ANGEL2: variants seen among roughly 807,000 people sequenced by gnomAD.
ANGEL2 encodes RNA 2',3'-cyclic phosphatase ANGEL2.
Under a neutral mutation model 66.0 loss-of-function variants are expected in ANGEL2, and 41 were observed. The observed-to-expected ratio is 0.62, with a 90% CI of 0.48 to 0.81. The LOEUF (loss-of-function observed/expected upper bound fraction) is 0.81. Ranked by LOEUF, ANGEL2 falls within the 30% of genes least tolerant of loss-of-function variation. The pLI is 0.00. For missense variants in ANGEL2, 561 were observed against 641.6 expected, an observed-to-expected ratio of 0.87 and a Z score of 1.36; for synonymous variants, 208 against 226.5, an observed-to-expected ratio of 0.92 and a Z score of 0.73.
chr1:212,996,775 G>A (rs535971354), intron 8 of ANGEL2, among the ~76,000 whole-genome samples: 2 of 150,316 alleles, frequency 1.3e-5, no homozygotes, highest in African/African-American at 2.5e-5. Context: ...AGGACGCCTC[G>A]GTAAAATTTA....
chr1:212,997,406 T>C, intron 7 of ANGEL2, 88 bp from the exon 8 acceptor site: 1 of 1,177,050 alleles, frequency 8.5e-7, no homozygotes, highest in Non-Finnish European at 1.2e-6. Context: ...ACTTAATTTC[T>C]AGACTAAGAC....
At position 212,995,086 on chromosome 1, in the gene ANGEL2, A is replaced by G; in HGVS notation, c.1590T>C (p.Ser530=). 6.2e-7 allele frequency: 1 copy of G among 1,612,610 alleles called. No individual in the cohort carries two copies. The highest frequency in any genetic ancestry group is 8.5e-7 in the Non-Finnish European group (1 of 1,179,136). The change falls in exon 9 of 9, where the codon TCT becomes TCC. Residue 530 remains serine, a synonymous_variant. Coordinates refer to ENST00000366962, the MANE Select transcript of ANGEL2 (RefSeq NM_144567.5). ...TTGCCAATAAAGGCAGATGATCTGA[A>G]GAGTTATTTTCGTTTGGAAGTCCAT... The part of the protein sequence containing the change: ...TVNGLPNENN[S]SDHLPLLAKF...
chr1:213,007,351 T>G (rs779324475), intron 3 of ANGEL2, among the ~76,000 whole-genome samples, 153 bp from the exon 4 acceptor site: 3 of 152,214 alleles, frequency 2.0e-5, no homozygotes. Context: ...TTGTTATAGA[T>G]CTACCAAATT....
intron 8 of ANGEL2, 44 bp from the exon 9 acceptor site, chr1:212,995,236 G>A (rs915406782): frequency 1.3e-6 from 2 of 1,531,392 alleles, no homozygotes; most frequent in East Asian, 2.3e-5. Flanking sequence ...ATTGTCAACG[G>A]GTTATTGTAA....
intron 3 of ANGEL2, 79 bp from the exon 4 acceptor site, chr1:213,007,277 T>C (rs2076360974): frequency 8.7e-7 from 1 of 1,149,508 alleles, no homozygotes; most frequent in East Asian, 2.6e-5. Context: ...TTAAAATATC[T>C]AAAAGCAGGC....
At chr1:212,999,298 GCCAA>G (rs2076114563) in intron 7 of ANGEL2, among the ~76,000 whole-genome samples, 1 of 152,194 alleles carries the variant, frequency 6.6e-6, no homozygotes, top group South Asian at 2.1e-4. Context: ...ATAGGCGTGA[GCCAA>G]CACGCCCAGC....
intron 2 of ANGEL2, among the ~76,000 whole-genome samples, chr1:213,010,818 T>C (rs1308141688): frequency 4.3e-4 from 66 of 152,328 alleles, no homozygotes; most frequent in Non-Finnish European, 8.8e-5. Context: ...AACATGTACA[T>C]GTAATGGCAT....
rs780748334 is a variant in ANGEL2, at chr1:213,005,153, C to G, written c.1014G>C (p.Gln338His). 9.3e-6 allele frequency: 15 copies of G among 1,614,088 alleles called. No individual in the cohort carries two copies. Among genetic ancestry groups the G allele is most frequent in the Non-Finnish European group, 1.7e-6 (2 of 1,180,050 alleles). The change falls in exon 5 of 9, where the codon CAG becomes CAC. Residue 338 changes from glutamine (Q) to histidine (H), a missense_variant. Transcript: ENST00000366962. ...CAATAGGGCAGAAGCTGCCATCTTT[C>G]TGGTGGGCAACACTGGAAATCTCTG... ...LLAEISSVAH[Q>H]KDGSFCPIVM...
chr1:213,015,351 C>T, intron 1 of ANGEL2: 1 of 1,395,992 alleles, frequency 7.2e-7, no homozygotes, highest in Non-Finnish European at 9.3e-7. Flanking sequence ...AAGCCACTGG[C>T]ACAAGCCTGG....
chr1:213,001,312 A>G (rs1337251698), intron 5 of ANGEL2: 3 of 195,412 alleles, frequency 1.5e-5, no homozygotes, highest in African/African-American at 4.8e-5. Context: ...CAAGTCACAT[A>G]ATTTTTTCAG....
chr1:213,004,922 A>T, intron 5 of ANGEL2, 111 bp downstream of exon 5: 3 of 436,484 alleles, frequency 6.9e-6, no homozygotes, highest in Admixed American at 3.9e-5. Context: ...TGATAAAGTG[A>T]GGGTACTGGA....
At position 212,997,332 on chromosome 1, in the gene ANGEL2, A is replaced by G. The variant is rs745618087; in HGVS notation, c.1320-14T>C. 5.0e-6 allele frequency: 8 copies of G among 1,591,430 alleles called. No individual in the cohort carries two copies. In the Middle Eastern group the frequency reaches 8.4e-4, roughly 166 times the overall value. On this transcript the variant is annotated splice_polypyrimidine_tract_variant and intron_variant, in intron 7 of 8. Coordinates refer to ENST00000366962, the MANE Select transcript of ANGEL2 (RefSeq NM_144567.5). ...TTTGAAGACAATCTAAATAGAAAAG[A>G]AGAAGTGTTTAGAATCCGAGTTTTT... is the stretch of plus-strand genomic sequence containing the variant.
At chr1:213,011,919 A>G (rs1367031235) in intron 2 of ANGEL2, among the ~76,000 whole-genome samples, 1 of 152,224 alleles carries the variant, frequency 6.6e-6, no homozygotes, top group African/African-American at 2.4e-5. Flanking sequence ...TAGAAACCTA[A>G]TTTTAATGCC....
At chr1:212,998,519 TC>T (rs1315584783) in intron 7 of ANGEL2, among the ~76,000 whole-genome samples, 2 of 149,730 alleles carry the variant, frequency 1.3e-5, no homozygotes, top group East Asian at 3.9e-4. Context: ...CAAAAAAGTA[TC>T]TTTTTTTTTT....
At position 213,007,155 on chromosome 1, in the gene ANGEL2, T is replaced by C; in HGVS notation, c.686A>G (p.Glu229Gly). The change falls in exon 4 of 9, where the codon GAG becomes GGG. Residue 229 changes from glutamate to glycine, a missense_variant. Transcript: ENST00000366962. ...CAGTGATTCCAAACTTGGCCTGATCTCTGCTCCATAATGATCTTCTTGAAC... is the reference window on the plus strand; with the variant it reads ...CAGTGATTCCAAACTTGGCCTGATCCCTGCTCCATAATGATCTTCTTGAAC... ...QEVQEDHYGA[E>G]IRPSLESLGY... 1 of 1,605,642 alleles carries C rather than the reference T, an allele frequency of 6.2e-7. No individual in the cohort carries two copies. Among genetic ancestry groups the C allele is most frequent in the Non-Finnish European group, 8.5e-7 (1 of 1,177,012 alleles).
At chr1:213,012,514 T>C (rs1315622637) in intron 2 of ANGEL2, among the ~76,000 whole-genome samples, 1 of 152,220 alleles carries the variant, frequency 6.6e-6, no homozygotes, top group Non-Finnish European at 1.5e-5. Flanking sequence ...CAAAGTGGAA[T>C]AAGATGTGGT....
chr1:212,996,498 T>C (rs1236366320), intron 8 of ANGEL2, among the ~76,000 whole-genome samples: 1 of 150,892 alleles, frequency 6.6e-6, no homozygotes, highest in Admixed American at 6.6e-5. Flanking sequence ...GGCTCATGCC[T>C]GTAGTCTTAG....
intron 4 of ANGEL2, among the ~76,000 whole-genome samples, chr1:213,006,380 C>T (rs764505162): frequency 1.4e-5 from 2 of 148,060 alleles, no homozygotes; most frequent in Non-Finnish European, 3.0e-5. Flanking sequence ...AGGAGAATGG[C>T]GTGAACCTGG....
chr1:213,000,379 ACTGT>A lies in ANGEL2; in HGVS notation c.1262_1265del (p.Asp421ValfsTer3). The A allele has an allele frequency of 6.2e-7, 1 of 1,613,062 alleles. No homozygotes were observed. The highest frequency in any genetic ancestry group is 8.5e-7 in the Non-Finnish European group (1 of 1,179,124). On this transcript the variant is annotated frameshift_variant and splice_region_variant, in exon 7 of 9. Coordinates refer to ENST00000366962, the MANE Select transcript of ANGEL2 (RefSeq NM_144567.5). LOFTEE classifies it high-confidence loss of function. ...GCTTCAGCTGTGTTTGTGTCAGATC[ACTGT>A]CTGTAAGAATAGAGGAAAATATATT...
Sources: gnomAD v4.1 joint callset for allele counts (sites outside exome capture counted in the v4.1 genomes callset) on GRCh38, gnomAD v4.1.1 for gene constraint, MANE v1.5 for transcripts, NCBI Gene and HGNC (gene_info 2026-07-23, HGNC 2026-07-21) for gene names.